TP63: variants seen among roughly 807,000 people sequenced by gnomAD.
TP63 encodes tumor protein p63.
In TP63, 17 loss-of-function variants were observed where a neutral mutation model predicts 82.8. The observed-to-expected ratio is 0.21, with a 90% CI of 0.14 to 0.31. The LOEUF (loss-of-function observed/expected upper bound fraction) is 0.31. Among genes scored for constraint, TP63 ranks in the 10% least tolerant of loss-of-function variants. The pLI is 1.00. For synonymous variants in TP63, 330 were observed against 321.7 expected (o/e 1.03, Z -0.28); for missense variants, 648 against 895.3 (o/e 0.72, Z 3.52).
At chr3:189,634,609 T>C (rs1182208864) in intron 1 of TP63, among the ~76,000 whole-genome samples, 2 of 152,078 alleles carry the variant, frequency 1.3e-5, no homozygotes, top group Non-Finnish European at 2.9e-5. Flanking sequence ...CCTTAGAGCT[T>C]ATTAAGTTCC....
rs984952763 is a variant in TP63 at position 189,843,361 on chromosome 3, C to T, written c.580-20871C>T. 5.4e-4 allele frequency among the ~76,000 whole-genome samples: 82 copies of T among 152,306 alleles called. 1 individual carries two copies. Among genetic ancestry groups the T allele is most frequent in the East Asian group, 9.7e-4 (5 of 5,172 alleles). ...TGCTTGATGTCAACATTTGTGGGCG[C>T]GGCCCGGGAAGAATGTGCCGCTCCC... On this transcript the variant is annotated intron_variant, in intron 4 of 13. Coordinates refer to ENST00000264731, the MANE Select transcript of TP63 (RefSeq NM_003722.5).
intron 1 of TP63, among the ~76,000 whole-genome samples, chr3:189,695,148 G>A (rs1488818470): frequency 1.3e-5 from 2 of 151,724 alleles, no homozygotes; most frequent in Admixed American, 6.6e-5. Context: ...CATGGGAGAC[G>A]TCTTTTTTCT....
chr3:189,883,002 A>AT (rs1720087814), intron 10 of TP63, among the ~76,000 whole-genome samples: 2 of 152,172 alleles, frequency 1.3e-5, no homozygotes, highest in South Asian at 2.1e-4. Context: ...ACACCTTACG[A>AT]TTTTTTTCTG....
At chr3:189,659,958 T>C (rs1388683487) in intron 1 of TP63, among the ~76,000 whole-genome samples, 2 of 152,116 alleles carry the variant, frequency 1.3e-5, no homozygotes, top group African/African-American at 4.8e-5. Context: ...ACTAGACCAT[T>C]GCCATATATA....
At chr3:189,780,989 G>C (rs1186533743) in intron 3 of TP63, among the ~76,000 whole-genome samples, 1 of 152,148 alleles carries the variant, frequency 6.6e-6, no homozygotes, top group Admixed American at 6.5e-5. Flanking sequence ...CAAAGCAGTT[G>C]CATAGTGAGG....
intron 3 of TP63, among the ~76,000 whole-genome samples, chr3:189,807,897 C>T (rs1442234299): frequency 1.3e-5 from 2 of 152,174 alleles, no homozygotes; most frequent in African/African-American, 4.8e-5. Flanking sequence ...ACGCCCCAAC[C>T]CCCACCAACA....
chr3:189,659,019 G>A (rs980951616), intron 1 of TP63, among the ~76,000 whole-genome samples: 2 of 151,754 alleles, frequency 1.3e-5, no homozygotes, highest in Non-Finnish European at 2.9e-5. Flanking sequence ...GAAATATAAC[G>A]CTATTCTAAA....
chr3:189,872,138 AT>A (rs1718499514), intron 9 of TP63, among the ~76,000 whole-genome samples: 4 of 152,138 alleles, frequency 2.6e-5, no homozygotes, highest in Admixed American at 2.6e-4. Flanking sequence ...ATCTATTCTT[AT>A]TTTTTGTAGT....
At chr3:189,708,856 C>T (rs904033737) in intron 1 of TP63, among the ~76,000 whole-genome samples, 4 of 152,164 alleles carry the variant, frequency 2.6e-5, no homozygotes, top group African/African-American at 9.7e-5. Flanking sequence ...TCTTTATACC[C>T]ATACATTGCT....
intron 1 of TP63, among the ~76,000 whole-genome samples, chr3:189,684,411 C>T (rs940217604): frequency 1.4e-4 from 21 of 152,014 alleles, no homozygotes; most frequent in African/African-American, 5.1e-4. Context: ...TTTACAAAGT[C>T]AAAAAAGATA....
intron 4 of TP63, among the ~76,000 whole-genome samples, chr3:189,810,881 G>T (rs1187377943): frequency 1.1e-4 from 15 of 137,454 alleles, no homozygotes; most frequent in Non-Finnish European, 1.9e-4. Flanking sequence ...AAAAATTAAA[G>T]TTATTTTCAG....
At chr3:189,878,718 G>A (rs528387604) in intron 10 of TP63, among the ~76,000 whole-genome samples, 31 of 149,240 alleles carry the variant, frequency 2.1e-4, no homozygotes, top group South Asian at 1.3e-3. Context: ...GTGAGCCACC[G>A]CGCCCAGCCT....
intron 1 of TP63, among the ~76,000 whole-genome samples, chr3:189,730,507 T>G (rs1251942148): frequency 6.6e-6 from 1 of 152,234 alleles, no homozygotes; most frequent in Non-Finnish European, 1.5e-5. Flanking sequence ...GAGCCACATA[T>G]GTAATTTAGC....
the TP63 span, among the ~76,000 whole-genome samples, chr3:189,604,862 A>G: frequency 6.6e-6 from 1 of 152,212 alleles, no homozygotes; most frequent in South Asian, 2.1e-4. Flanking sequence ...AAACAGATTG[A>G]CTTTCACTTT....
At chr3:189,777,643 A>T (rs1295225349) in intron 3 of TP63, among the ~76,000 whole-genome samples, 1 of 151,688 alleles carries the variant, frequency 6.6e-6, no homozygotes, top group Non-Finnish European at 1.5e-5. Context: ...TTCATGAAGA[A>T]TTAATCACTC....
intron 1 of TP63, among the ~76,000 whole-genome samples, chr3:189,686,864 G>A (rs1354499182): frequency 1.3e-5 from 2 of 151,624 alleles, no homozygotes; most frequent in African/African-American, 4.8e-5. Context: ...CCGAGTAGCT[G>A]GGATGACAGG....
Position 189,737,730 on chromosome 3 carries a change from T to A in TP63, c.63-10T>A. On this transcript the variant is annotated splice_polypyrimidine_tract_variant and intron_variant, in intron 1 of 13. Transcript: ENST00000264731. ...AAGTATAATACTAGTTTCATTTTTGTCCTTTTAAGTTTCGTAGAAACCCCA... is the reference window on the plus strand; with the variant it reads ...AAGTATAATACTAGTTTCATTTTTGACCTTTTAAGTTTCGTAGAAACCCCA... 1 of 1,613,652 alleles carries A rather than the reference T, an allele frequency of 6.2e-7. No individual in the cohort carries two copies. Among genetic ancestry groups the A allele is most frequent in the South Asian group, 1.1e-5 (1 of 91,080 alleles).
chr3:189,621,547 ATAAG>A, the TP63 span, among the ~76,000 whole-genome samples: 1 of 150,822 alleles, frequency 6.6e-6, no homozygotes, highest in Non-Finnish European at 1.5e-5. Flanking sequence ...ACATATGAAT[ATAAG>A]TAAATATGTA....
intron 3 of TP63, among the ~76,000 whole-genome samples, chr3:189,747,453 T>A (rs1721466835): frequency 1.3e-5 from 2 of 152,064 alleles, no homozygotes; most frequent in Admixed American, 1.3e-4. Flanking sequence ...AGGAACTTTG[T>A]AAATTGTACA....
Sources: allele counts gnomAD v4.1 joint callset (sites outside exome capture counted in the v4.1 genomes callset), GRCh38; gene constraint gnomAD v4.1.1; transcripts MANE v1.5; gene names NCBI Gene and HGNC (gene_info 2026-07-23, HGNC 2026-07-21).